Variants in AOPEP observed in about 807,000 individuals in gnomAD.
AOPEP encodes the protein aminopeptidase O (putative).
A neutral mutation model predicts 98.1 loss-of-function variants in AOPEP; 77 were observed. The observed-to-expected ratio is 0.78, with a 90% CI of 0.65 to 0.95. The LOEUF (loss-of-function observed/expected upper bound fraction) is 0.95, where lower values mean the gene tolerates loss of function less well. AOPEP is among the 40% of genes least tolerant of loss of function. The probability of loss-of-function intolerance (pLI) is 0.00; values close to 1 mark genes in which losing one functional copy is unlikely to be tolerated. For missense variants in AOPEP, 1,024 were observed against 1,024.7 expected, an observed-to-expected ratio of 1.00 and a Z score of 0.01; for synonymous variants, 346 against 365.3, an observed-to-expected ratio of 0.95 and a Z score of 0.60.
At chr9:94,902,914 T>G (rs1411453050) in intron 5 of AOPEP, among the ~76,000 whole-genome samples, 1 of 151,658 alleles carries the variant, frequency 6.6e-6, no homozygotes, top group Admixed American at 6.6e-5. Context: ...AGTTCACTGG[T>G]GTGGTGGTGC....
At chr9:94,871,035 A>C (rs527315072) in intron 5 of AOPEP, among the ~76,000 whole-genome samples, 1 of 150,080 alleles carries the variant, frequency 6.7e-6, no homozygotes, top group Non-Finnish European at 1.5e-5. Context: ...CTCCTCCTCC[A>C]CTCTTCCTAA....
downstream of AOPEP, among the ~76,000 whole-genome samples, chr9:95,091,240 G>C (rs554827045): frequency 9.2e-5 from 14 of 152,284 alleles, no homozygotes; most frequent in Non-Finnish European, 1.9e-4. Context: ...GTGGGGGTGA[G>C]GGGAGGTGCT....
At chr9:94,746,634 T>C (rs532884853) in intron 1 of AOPEP, among the ~76,000 whole-genome samples, 7 of 152,308 alleles carry the variant, frequency 4.6e-5, no homozygotes, top group African/African-American at 1.7e-4. Context: ...GTGAAATCAC[T>C]TCCAATCTTA....
chr9:94,964,556 A>T (rs1297351786), intron 9 of AOPEP, among the ~76,000 whole-genome samples: 1 of 152,162 alleles, frequency 6.6e-6, no homozygotes, highest in Non-Finnish European at 1.5e-5. Flanking sequence ...TTACCAGGCA[A>T]ATATAGGATA....
chr9:95,134,447 C>T, the AOPEP span, among the ~76,000 whole-genome samples: 3,958 of 152,234 alleles, frequency 0.026, 154 homozygotes, highest in African/African-American at 0.08. Flanking sequence ...AAGACCGGAC[C>T]GTTCACTGTG....
chr9:95,011,211 A>ATTTTTTT (rs71366270), intron 13 of AOPEP, among the ~76,000 whole-genome samples: 1 of 112,796 alleles, frequency 8.9e-6, no homozygotes, highest in Non-Finnish European at 1.9e-5. Context: ...CTAGCCATTG[A>ATTTTTTT]TTTTTTTTTT....
intron 14 of AOPEP, among the ~76,000 whole-genome samples, chr9:95,069,208 A>G (rs2068227143): frequency 6.6e-6 from 1 of 152,362 alleles, no homozygotes; most frequent in East Asian, 1.9e-4. Context: ...TGTCTGACAC[A>G]GCAAGGTGAT....
At chr9:95,019,890 G>C (rs1416720289) in intron 13 of AOPEP, 1 of 152,220 alleles carries the variant, frequency 6.6e-6, no homozygotes, top group East Asian at 1.9e-4. Flanking sequence ...CTAGTGAGTA[G>C]AATGTTATGA....
intron 5 of AOPEP, among the ~76,000 whole-genome samples, chr9:94,875,023 C>T (rs2046755657): frequency 6.6e-6 from 1 of 152,004 alleles, no homozygotes; most frequent in Non-Finnish European, 1.5e-5. Flanking sequence ...TTTCCCAGGC[C>T]AAAGGTGGGA....
chr9:95,064,444 C>G (rs1385794723), intron 14 of AOPEP, among the ~76,000 whole-genome samples: 1 of 152,194 alleles, frequency 6.6e-6, no homozygotes, highest in Non-Finnish European at 1.5e-5. Context: ...GTGCCCACCA[C>G]CACGCCCAGC....
At chr9:94,770,885 T>C (rs978905765) in intron 2 of AOPEP, among the ~76,000 whole-genome samples, 3 of 152,086 alleles carry the variant, frequency 2.0e-5, no homozygotes, top group African/African-American at 7.2e-5. Context: ...ACGATGTAAA[T>C]ATTAGGAGTA....
the AOPEP span, chr9:95,123,950 A>G: frequency 2.7e-6 from 1 of 371,846 alleles, no homozygotes; most frequent in African/African-American, 2.1e-5. Context: ...AAAAAATACA[A>G]AAAGTAGCCA....
In AOPEP at chr9:94,888,294, C is replaced by T. The variant is rs201135035; in HGVS notation, c.1365-35692C>T. Among the ~76,000 whole-genome samples, 611 of 137,694 alleles carry T rather than the reference C, an allele frequency of 4.4e-3. 5 individuals carry two copies. The highest frequency in any genetic ancestry group is 0.016 in the African/African-American group (585 of 37,560). The allele number at this position is 137,694 out of a possible 152,430, so 90.3% of individuals were successfully genotyped here. A position where few individuals can be genotyped will look rare whatever the true frequency, so the allele number is the denominator to read the frequency against. ...GAGATGGAATCATGAAGAACCTTAC[C>T]GTGTGTGTGTGTGTGTGTGTGTGTG... On this transcript the variant is annotated intron_variant, in intron 5 of 16. Coordinates refer to ENST00000375315, the MANE Select transcript of AOPEP (RefSeq NM_001193329.3).
chr9:95,122,675 T>C, the AOPEP span, among the ~76,000 whole-genome samples: 196 of 152,182 alleles, frequency 1.3e-3, no homozygotes, highest in African/African-American at 3.7e-3. Context: ...ACGGCCAACA[T>C]AGAGGCTGAG....
At chr9:95,140,847 G>C in the AOPEP span, among the ~76,000 whole-genome samples, 1 of 152,124 alleles carries the variant, frequency 6.6e-6, no homozygotes. Context: ...TCATCTGCAT[G>C]TACAGAGCAG....
chr9:94,979,236 G>A lies in AOPEP; in HGVS notation c.1917-131G>A, dbSNP rs773712865. 16 of 598,804 alleles carry A rather than the reference G, an allele frequency of 2.7e-5. No individual in the cohort carries two copies. The South Asian group carries it at 2.9e-4, about 11-fold the overall frequency. 37.1% of individuals were successfully genotyped at this position (598,804 alleles called of 1,614,324 possible). On this transcript the variant is annotated intron_variant, in intron 10 of 16. Transcript: ENST00000375315. ...CCACACTTCAACCCAGGGGAGCGCT[G>A]CCCTTTCTGTAAAGCACGGGCACTT...
At chr9:94,743,211 G>GGAAGAAGAGGAAGAAGAA (rs1833639384) in intron 1 of AOPEP, among the ~76,000 whole-genome samples, 5 of 146,284 alleles carry the variant, frequency 3.4e-5, no homozygotes, top group Non-Finnish European at 6.0e-5. Context: ...AGGAAGAAGA[G>GGAAGAAGAGGAAGAAGAA]GAAGAAGAGG....
chr9:94,860,147 C>A (rs935526426), intron 5 of AOPEP, among the ~76,000 whole-genome samples: 25 of 152,198 alleles, frequency 1.6e-4, no homozygotes, highest in Non-Finnish European at 3.5e-4. Flanking sequence ...ACCTGAAGGG[C>A]AGTGGAACGT....
At chr9:95,025,136 T>A (rs1386559607) in intron 13 of AOPEP, among the ~76,000 whole-genome samples, 1 of 152,216 alleles carries the variant, frequency 6.6e-6, no homozygotes, top group African/African-American at 2.4e-5. Context: ...CTACAGGGAA[T>A]AAAAGATGGT....
Sources: gnomAD v4.1 joint callset for allele counts (sites outside exome capture counted in the v4.1 genomes callset) on GRCh38, gnomAD v4.1.1 for gene constraint, MANE v1.5 for transcripts, NCBI Gene and HGNC (gene_info 2026-07-23, HGNC 2026-07-21) for gene names.